The following ARHGAP24 variants were observed in gnomAD, a reference collection of about 807,000 sequenced individuals.
The protein encoded by ARHGAP24 is Rho GTPase activating protein 24.
ARHGAP24 carries 50 observed loss-of-function variants against 76.4 expected under a neutral mutation model. The observed-to-expected ratio is 0.65, with a 90% confidence interval of 0.52 to 0.83. The LOEUF (loss-of-function observed/expected upper bound fraction) is 0.83, where lower values mean the gene tolerates loss of function less well. Among genes scored for constraint, ARHGAP24 ranks in the 40% least tolerant of loss-of-function variants. The probability of loss-of-function intolerance (pLI) is 0.00; values close to 1 mark genes in which losing one functional copy is unlikely to be tolerated. For synonymous variants in ARHGAP24, 345 were observed against 323.3 expected (o/e 1.07, Z -0.72); for missense variants, 930 against 914.2 (o/e 1.02, Z -0.22).
intron 1 of ARHGAP24, among the ~76,000 whole-genome samples, chr4:85,500,300 T>C (rs1284259884): frequency 6.6e-6 from 1 of 152,212 alleles, no homozygotes; most frequent in Non-Finnish European, 1.5e-5. Flanking sequence ...TCTGTAGTGC[T>C]GGAAACTGAG....
chr4:85,532,355 G>C (rs534763581), intron 1 of ARHGAP24, among the ~76,000 whole-genome samples: 1 of 152,278 alleles, frequency 6.6e-6, no homozygotes, highest in South Asian at 2.1e-4. Flanking sequence ...CTATAGGAGT[G>C]AGGGCTGTGG....
chr4:85,620,811 A>G (rs1251956046), intron 2 of ARHGAP24, among the ~76,000 whole-genome samples: 1 of 151,928 alleles, frequency 6.6e-6, no homozygotes, highest in Non-Finnish European at 1.5e-5. Flanking sequence ...CAAGGGGTAC[A>G]TATGCAAGTT....
chr4:85,543,935 A>G (rs1725806914), intron 1 of ARHGAP24, among the ~76,000 whole-genome samples: 1 of 152,218 alleles, frequency 6.6e-6, no homozygotes. Flanking sequence ...ACCCAGATTA[A>G]ATCATCATCC....
At chr4:85,958,684 T>A (rs346481) in intron 5 of ARHGAP24, among the ~76,000 whole-genome samples, 135,037 of 152,292 alleles carry the variant, frequency 0.89, 60,122 homozygotes, top group East Asian at 0.99. Context: ...TGTTTTACAT[T>A]TCATAATTCA....
rs963282558 is a variant in ARHGAP24 at position 85,641,672 on chromosome 4, T to G, written c.180+70951T>G. ...GTTCCCCCAAATCTCTCTTTGGATT[T>G]GATTAATTTGCTAAACCATCTAGGA... On this transcript the variant is annotated intron_variant, in intron 2 of 9. Coordinates refer to ENST00000395184, the MANE Select transcript of ARHGAP24 (RefSeq NM_001025616.3). Among the ~76,000 whole-genome samples, 7 of 152,342 alleles carry G rather than the reference T, an allele frequency of 4.6e-5. No individual in the cohort carries two copies. The South Asian group carries it at 1.4e-3, about 32-fold the overall frequency.
chr4:85,593,498 T>A (rs961476099), intron 2 of ARHGAP24, among the ~76,000 whole-genome samples: 3 of 152,182 alleles, frequency 2.0e-5, no homozygotes, highest in Non-Finnish European at 4.4e-5. Flanking sequence ...TGGTTGCCTA[T>A]CCTTGTGGGA....
At chr4:85,658,275 A>G (rs1162159029) in intron 2 of ARHGAP24, among the ~76,000 whole-genome samples, 2 of 152,176 alleles carry the variant, frequency 1.3e-5, no homozygotes, top group African/African-American at 2.4e-5. Context: ...TCTGTAATCA[A>G]TGCAAAATTA....
chr4:85,730,275 T>C (rs77261176), intron 3 of ARHGAP24, among the ~76,000 whole-genome samples: 7,363 of 152,286 alleles, frequency 0.048, 230 homozygotes, highest in Non-Finnish European at 0.069. Context: ...GAAAAACATG[T>C]CCCATATTTT....
chr4:85,795,265 T>A (rs1383491575), intron 3 of ARHGAP24, among the ~76,000 whole-genome samples: 1 of 152,176 alleles, frequency 6.6e-6, no homozygotes, highest in Non-Finnish European at 1.5e-5. Flanking sequence ...AATACAGTAA[T>A]AATCTAATGG....
chr4:85,895,465 A>G (rs989193506), intron 3 of ARHGAP24, among the ~76,000 whole-genome samples: 1 of 152,188 alleles, frequency 6.6e-6, no homozygotes, highest in Non-Finnish European at 1.5e-5. Flanking sequence ...TCATAAATGA[A>G]CATGGAATTC....
intron 2 of ARHGAP24, among the ~76,000 whole-genome samples, chr4:85,683,940 A>C (rs914241705): frequency 2.0e-5 from 3 of 152,168 alleles, no homozygotes; most frequent in Non-Finnish European, 1.5e-5. Context: ...ATTTCCTTTA[A>C]GGCTGAATGA....
intron 3 of ARHGAP24, among the ~76,000 whole-genome samples, chr4:85,885,281 TAGAC>T (rs1446608609): frequency 5.3e-5 from 8 of 152,236 alleles, no homozygotes; most frequent in Non-Finnish European, 8.8e-5. Context: ...GTAATCCACA[TAGAC>T]AGCCTAATTT....
At chr4:85,748,070 C>T (rs1024562453) in intron 3 of ARHGAP24, among the ~76,000 whole-genome samples, 29 of 152,220 alleles carry the variant, frequency 1.9e-4, no homozygotes, top group Non-Finnish European at 3.8e-4. Context: ...AGCAATACTG[C>T]CCTCTACAGG....
chr4:85,843,834 C>T (rs1358013645), intron 3 of ARHGAP24, among the ~76,000 whole-genome samples: 1 of 151,850 alleles, frequency 6.6e-6, no homozygotes, highest in Non-Finnish European at 1.5e-5. Flanking sequence ...TTATTCTTTC[C>T]ACAGTATATT....
chr4:85,522,076 G>A (rs1724794518), intron 1 of ARHGAP24, among the ~76,000 whole-genome samples: 1 of 152,062 alleles, frequency 6.6e-6, no homozygotes, highest in South Asian at 2.1e-4. Flanking sequence ...GTTTCCATTT[G>A]GATTCTAGAA....
intron 1 of ARHGAP24, among the ~76,000 whole-genome samples, chr4:85,501,687 T>C (rs892960493): frequency 1.3e-5 from 2 of 152,232 alleles, no homozygotes; most frequent in East Asian, 3.8e-4. Context: ...TTCACTCTGA[T>C]GGTAGTTTCT....
intron 4 of ARHGAP24, among the ~76,000 whole-genome samples, chr4:85,932,388 T>A (rs114095226): frequency 0.043 from 6,559 of 151,982 alleles, 220 homozygotes; most frequent in Non-Finnish European, 0.07. Context: ...CTGCTGTCCA[T>A]TTGTAACATG....
intron 2 of ARHGAP24, among the ~76,000 whole-genome samples, chr4:85,705,572 T>A (rs1227087722): frequency 6.6e-6 from 1 of 152,194 alleles, no homozygotes; most frequent in African/African-American, 2.4e-5. Context: ...CCAGCATTTT[T>A]AGAAATGACC....
intron 2 of ARHGAP24, among the ~76,000 whole-genome samples, chr4:85,595,379 G>A (rs1719767119): frequency 6.6e-6 from 1 of 152,110 alleles, no homozygotes; most frequent in Non-Finnish European, 1.5e-5. Context: ...CTATAAACAA[G>A]TCAGGTGGTA....
Sources: gnomAD v4.1 joint callset for allele counts (sites outside exome capture counted in the v4.1 genomes callset) on GRCh38, gnomAD v4.1.1 for gene constraint, MANE v1.5 for transcripts, NCBI Gene and HGNC (gene_info 2026-07-23, HGNC 2026-07-21) for gene names.